DNAH11: variants seen among roughly 807,000 people sequenced by gnomAD.
DNAH11 encodes dynein axonemal heavy chain 11.
DNAH11 carries 442 observed loss-of-function variants against 526.0 expected under a neutral mutation model. The observed-to-expected ratio is 0.84, with a 90% CI of 0.78 to 0.91. The LOEUF is 0.91. Ranked by LOEUF, DNAH11 falls within the 40% of genes least tolerant of loss-of-function variation. The pLI is 0.00. For synonymous variants in DNAH11, 2,461 were observed against 1,935.9 expected, an observed-to-expected ratio of 1.27 and a Z score of -7.12; for missense variants, 6,989 against 5,448.7, an observed-to-expected ratio of 1.28 and a Z score of -8.90.
chr7:21,625,912 A>G (rs1259126746), intron 25 of DNAH11, among the ~76,000 whole-genome samples: 2 of 152,172 alleles, frequency 1.3e-5, no homozygotes, highest in Non-Finnish European at 2.9e-5. Flanking sequence ...TATCTGGCAG[A>G]CTTGGAAAAC....
intron 31 of DNAH11, 52 bp from the exon 32 acceptor site, chr7:21,683,732 G>C (rs951251757): frequency 5.5e-5 from 81 of 1,476,824 alleles, no homozygotes; most frequent in Non-Finnish European, 7.0e-5. Context: ...TTAATAACTT[G>C]TTGCCCCAAA....
chr7:21,720,927 C>T, intron 44 of DNAH11, 71 bp downstream of exon 44: 5 of 1,554,116 alleles, frequency 3.2e-6, no homozygotes, highest in Non-Finnish European at 4.4e-6. Flanking sequence ...GAGGTTAAAA[C>T]ATGTGATCTG....
At chr7:21,813,636 G>A (rs906567307) in intron 63 of DNAH11, among the ~76,000 whole-genome samples, 4 of 152,160 alleles carry the variant, frequency 2.6e-5, no homozygotes, top group African/African-American at 9.7e-5. Context: ...ACTTTGGCTC[G>A]TGGCGTGTGC....
chr7:21,553,920 T>A (rs1783117635), intron 2 of DNAH11, among the ~76,000 whole-genome samples: 1 of 152,132 alleles, frequency 6.6e-6, no homozygotes, highest in South Asian at 2.1e-4. Flanking sequence ...AATTTTTTTT[T>A]AATGTCAGGC....
intron 65 of DNAH11, among the ~76,000 whole-genome samples, chr7:21,825,790 T>C (rs1386737568): frequency 2.6e-5 from 4 of 151,998 alleles, no homozygotes; most frequent in African/African-American, 9.7e-5. Flanking sequence ...AAACCCCTTC[T>C]CTACTAAAAA....
At chr7:21,864,331 T>C (rs940565034) in intron 69 of DNAH11, among the ~76,000 whole-genome samples, 2 of 152,210 alleles carry the variant, frequency 1.3e-5, no homozygotes, top group Non-Finnish European at 2.9e-5. Flanking sequence ...TCATAATTAT[T>C]TCCTGTTAGA....
chr7:21,624,644 A>G (rs1362171550), intron 25 of DNAH11, among the ~76,000 whole-genome samples: 2 of 152,114 alleles, frequency 1.3e-5, no homozygotes, highest in African/African-American at 4.8e-5. Context: ...TTAGACAAAA[A>G]GCTTTTGATT....
At position 21,901,201 on chromosome 7, in the gene DNAH11, G is replaced by A. The variant is rs1583830675; in HGVS notation, c.13498G>A (p.Glu4500Lys). ...YIWTFRLKSE[E>K]KTAKWVLAGV... is the part of the protein sequence containing the mutation. ...CTGGACCTTCAGGCTGAAGAGCGAAGAGAAGACTGCAAAATGGGTTCTGGC... is the reference window on the plus strand; with the variant it reads ...CTGGACCTTCAGGCTGAAGAGCGAAAAGAAGACTGCAAAATGGGTTCTGGC... The change falls in exon 82 of 82, where the codon GAG (glutamate) becomes AAG (lysine). Residue 4500 changes from glutamate to lysine, a missense_variant. By Grantham distance (56) the Glu-to-Lys change is moderately conservative. Coordinates refer to ENST00000409508, the MANE Select transcript of DNAH11 (RefSeq NM_001277115.2). 1.2e-6 allele frequency: 2 copies of A among 1,613,918 alleles called. No individual in the cohort carries two copies. The highest frequency in any genetic ancestry group is 8.5e-7 in the Non-Finnish European group (1 of 1,179,832).
At chr7:21,850,608 C>CTTTTTT (rs3062635) in intron 66 of DNAH11, among the ~76,000 whole-genome samples, 218 of 62,598 alleles carry the variant, frequency 3.5e-3, no homozygotes, top group East Asian at 4.7e-3. Flanking sequence ...CTGTCTTCTT[C>CTTTTTT]TTTTTTTTTT....
At position 21,655,938 on chromosome 7, in the gene DNAH11, A is replaced by C. The variant is rs1316332100; in HGVS notation, c.5051A>C (p.Lys1684Thr). The part of the protein sequence containing the change: ...HRAVGMYSKE[K>T]EYVPFQAECE... ...GCAGTTGGAATGTACAGCAAAGAAA[A>C]GGAGTATGTCCCATTCCAAGCCGAG... The change falls in exon 29 of 82, where the codon AAG becomes ACG. Residue 1684 changes from lysine to threonine, a missense_variant. Transcript: ENST00000409508. 6.2e-6 allele frequency: 10 copies of C among 1,612,548 alleles called. No homozygotes were observed. Among genetic ancestry groups the C allele is most frequent in the Non-Finnish European group, 8.5e-6 (10 of 1,179,170 alleles).
intron 62 of DNAH11, among the ~76,000 whole-genome samples, chr7:21,806,815 A>T (rs1789282376): frequency 6.6e-6 from 1 of 152,220 alleles, no homozygotes; most frequent in Non-Finnish European, 1.5e-5. Flanking sequence ...CAAATCCAAT[A>T]TTAAGGGCTT....
intron 28 of DNAH11, among the ~76,000 whole-genome samples, chr7:21,651,275 A>T (rs557322733): frequency 1.1e-3 from 162 of 152,306 alleles, no homozygotes; most frequent in Non-Finnish European, 2.0e-3. Flanking sequence ...GCAAATACGA[A>T]CTTAGATATA....
At position 21,778,951 on chromosome 7, in the gene DNAH11, G is replaced by T. The variant is rs1263777636; in HGVS notation, c.9337-7G>T. On this transcript the variant is annotated splice_polypyrimidine_tract_variant and splice_region_variant and intron_variant, in intron 56 of 81. Transcript: ENST00000409508. ...CAGTGACGTAAGAATAATGACTTTT[G>T]CTTTAGGTGGGAGATCTAAAAGCCA... 6.2e-7 allele frequency: 1 copy of T among 1,612,232 alleles called. No individual in the cohort carries two copies. Among genetic ancestry groups the T allele is most frequent in the Non-Finnish European group, 8.5e-7 (1 of 1,178,814 alleles).
Position 21,739,647 on chromosome 7 carries a change from A to G in DNAH11, c.7888A>G (p.Ser2630Gly), listed in dbSNP as rs1785785353. 3.1e-6 allele frequency: 5 copies of G among 1,612,804 alleles called. No individual in the cohort carries two copies. Among genetic ancestry groups the G allele is most frequent in the Non-Finnish European group, 3.4e-6 (4 of 1,179,450 alleles). The change falls in exon 48 of 82, where the codon AGC (serine) becomes GGC (glycine). Residue 2630 changes from serine to glycine, a missense_variant. By Grantham distance (56) the Ser-to-Gly change is moderately conservative. Transcript: ENST00000409508. ...CGCCTGCATGAATCCGATGGTGGGC[A>G]GCTTCACCATCAATCCCAGGCTACA... ...YVACMNPMVG[S>G]FTINPRLQRH...
intron 54 of DNAH11, 75 bp downstream of exon 54, chr7:21,750,439 T>C: frequency 6.6e-7 from 1 of 1,516,646 alleles, no homozygotes; most frequent in Admixed American, 2.3e-5. Context: ...TCTGAGTTTT[T>C]TATTATGAGT....
chr7:21,581,552 A>C (rs1347083025), intron 8 of DNAH11, among the ~76,000 whole-genome samples: 4 of 152,198 alleles, frequency 2.6e-5, no homozygotes, highest in Non-Finnish European at 4.4e-5. Context: ...TTTTCTGAAA[A>C]ACTTCACTTT....
Position 21,581,916 on chromosome 7 carries a change from T to C in DNAH11, c.1605T>C (p.Ser535=). 6.2e-7 allele frequency: 1 copy of C among 1,604,020 alleles called. No homozygotes were observed. Among genetic ancestry groups the C allele is most frequent in the Admixed American group, 1.7e-5 (1 of 58,688 alleles). Residue 535 remains serine, a synonymous_variant, in exon 9 of 82, where the codon AGT becomes AGC. Transcript: ENST00000409508. ...TTTGAATTTTACAGGAGTTTGAAAGTGATTATGTGGCATTTAAGTCCAAAA... is the reference window on the plus strand; with the variant it reads ...TTTGAATTTTACAGGAGTTTGAAAGCGATTATGTGGCATTTAAGTCCAAAA... ...PSDCTNMEFE[S]DYVAFKSKTL...
chr7:21,833,255 C>G (rs1440423729), intron 65 of DNAH11, among the ~76,000 whole-genome samples: 1 of 152,132 alleles, frequency 6.6e-6, no homozygotes, highest in Admixed American at 6.5e-5. Flanking sequence ...GAAGTATGAA[C>G]ATAAACCTGG....
At chr7:21,638,691 G>GGTGTGTGTGTGTGT (rs56257528) in intron 27 of DNAH11, among the ~76,000 whole-genome samples, 33 of 144,216 alleles carry the variant, frequency 2.3e-4, no homozygotes, top group African/African-American at 8.4e-4. Flanking sequence ...CAGCTAATGG[G>GGTGTGTGTGTGTGT]GTGTGTGTGT....
Sources: allele counts gnomAD v4.1 joint callset (sites outside exome capture counted in the v4.1 genomes callset), GRCh38; gene constraint gnomAD v4.1.1; transcripts MANE v1.5; gene names NCBI Gene and HGNC (gene_info 2026-07-23, HGNC 2026-07-21).